Variants in BBS9 observed in about 807,000 individuals in gnomAD.
BBS9 encodes the protein protein PTHB1.
Under a neutral mutation model 117.7 loss-of-function variants are expected in BBS9, and 89 were observed. That is an observed-to-expected ratio of 0.76 (90% CI 0.64 to 0.90). The LOEUF is 0.90. Among genes scored for constraint, BBS9 ranks in the 40% least tolerant of loss-of-function variants. The pLI is 0.00. For missense variants in BBS9, 982 were observed against 1,042.2 expected (o/e 0.94, Z 0.80); for synonymous variants, 379 against 370.9 (o/e 1.02, Z -0.25).
intron 5 of BBS9, among the ~76,000 whole-genome samples, chr7:33,247,384 C>T (rs1795508405): frequency 6.6e-6 from 1 of 152,088 alleles, no homozygotes; most frequent in Non-Finnish European, 1.5e-5. Context: ...AACTTGTCCT[C>T]AAGTTGTGGC....
intron 5 of BBS9, among the ~76,000 whole-genome samples, chr7:33,236,400 G>C (rs567411180): frequency 1.3e-5 from 2 of 150,764 alleles, no homozygotes; most frequent in African/African-American, 4.9e-5. Context: ...TGTGGATGTT[G>C]TTAAATTTTA....
At chr7:33,402,177 G>A (rs1258254623) in intron 19 of BBS9, among the ~76,000 whole-genome samples, 1 of 151,998 alleles carries the variant, frequency 6.6e-6, no homozygotes, top group Non-Finnish European at 1.5e-5. Flanking sequence ...GTTTGTATTT[G>A]TCTTATTCCA....
chr7:33,552,716 C>G lies in BBS9; in HGVS notation c.2521+18540C>G, dbSNP rs540327566. ...GCTTAAGCTCCAATCTCATCTCAAACTGTGCAGAAGACCTTACTTCTACTG... is the reference window on the plus strand; with the variant it reads ...GCTTAAGCTCCAATCTCATCTCAAAGTGTGCAGAAGACCTTACTTCTACTG... On this transcript the variant is annotated intron_variant, in intron 21 of 22. Coordinates refer to ENST00000242067, the MANE Select transcript of BBS9 (RefSeq NM_198428.3). Among the ~76,000 whole-genome samples the G allele has an allele frequency of 3.9e-5, 6 of 152,330 alleles. No homozygotes were observed. In the East Asian group the frequency reaches 1.2e-3, roughly 29 times the overall value.
rs560648745 is a variant in BBS9, at chr7:33,166,015, G to T, written c.328+10313G>T. ...TTGATGTTGGTGACCTACAGATGGGGTTTGGGTGTGGATGTCCTTTTTGTT... is the reference window on the plus strand; with the variant it reads ...TTGATGTTGGTGACCTACAGATGGGTTTTGGGTGTGGATGTCCTTTTTGTT... On this transcript the variant is annotated intron_variant, in intron 4 of 22. Transcript: ENST00000242067. Among the ~76,000 whole-genome samples the T allele has an allele frequency of 1.1e-3, 171 of 152,272 alleles. 2 individuals carry two copies. The South Asian group carries it at 0.013, about 11-fold the overall frequency.
chr7:33,307,263 G>C (rs544983375), intron 9 of BBS9, among the ~76,000 whole-genome samples: 1 of 152,134 alleles, frequency 6.6e-6, no homozygotes, highest in African/African-American at 2.4e-5. Context: ...TGAACCCAAA[G>C]GGACTTTTCA....
chr7:33,248,651 T>C (rs1161640209), intron 5 of BBS9, among the ~76,000 whole-genome samples: 2 of 152,210 alleles, frequency 1.3e-5, no homozygotes, highest in African/African-American at 4.8e-5. Flanking sequence ...TCTTTGTTCA[T>C]AGCAAACATG....
intron 19 of BBS9, among the ~76,000 whole-genome samples, chr7:33,492,195 T>A: frequency 1.0e-5 from 1 of 98,800 alleles, no homozygotes; most frequent in South Asian, 3.9e-4. Context: ...AAAGCAAGAT[T>A]CCACCTCGAA....
chr7:33,343,000 T>C (rs1185548222), intron 11 of BBS9, among the ~76,000 whole-genome samples: 1 of 152,190 alleles, frequency 6.6e-6, no homozygotes, highest in African/African-American at 2.4e-5. Flanking sequence ...AGATAAGCAT[T>C]GCTATCCCAT....
chr7:33,257,561 T>C (rs758982617), intron 6 of BBS9, 151 bp downstream of exon 6: 26 of 762,554 alleles, frequency 3.4e-5, no homozygotes, highest in Non-Finnish European at 5.2e-5. Flanking sequence ...ACTATATCAT[T>C]TACTATTGTA....
chr7:33,161,762 C>T (rs998571773), intron 4 of BBS9, among the ~76,000 whole-genome samples: 11 of 152,206 alleles, frequency 7.2e-5, no homozygotes, highest in Non-Finnish European at 1.5e-4. Context: ...TCCTATTTCT[C>T]CTCATCCTCT....
intron 4 of BBS9, among the ~76,000 whole-genome samples, chr7:33,162,360 C>T (rs118167494): frequency 7.2e-5 from 11 of 151,798 alleles, no homozygotes; most frequent in African/African-American, 2.2e-4. Flanking sequence ...TGGTTGTAGA[C>T]GTGTGGTGTT....
At chr7:33,230,987 G>C (rs1202500229) in intron 5 of BBS9, among the ~76,000 whole-genome samples, 1 of 152,088 alleles carries the variant, frequency 6.6e-6, no homozygotes, top group Non-Finnish European at 1.5e-5. Flanking sequence ...AGTTCTTTGA[G>C]AGATCTTCAT....
chr7:33,147,149 G>A (rs2128097504), intron 2 of BBS9, among the ~76,000 whole-genome samples: 1 of 152,082 alleles, frequency 6.6e-6, no homozygotes, highest in East Asian at 1.9e-4. Flanking sequence ...CTACATTCTA[G>A]CTTATTCTTA....
chr7:33,152,676 C>CTT (rs538470220), intron 2 of BBS9, 25 bp from the exon 3 acceptor site: 8 of 1,247,080 alleles, frequency 6.4e-6, no homozygotes, highest in South Asian at 4.3e-5. Context: ...CTCCCTCTAT[C>CTT]TTTTTTTTTT....
intron 1 of BBS9, among the ~76,000 whole-genome samples, chr7:33,138,755 T>C (rs1314607998): frequency 6.6e-6 from 1 of 150,574 alleles, no homozygotes; most frequent in Non-Finnish European, 1.5e-5. Flanking sequence ...GCTAATATTT[T>C]TTTTTTGGTG....
chr7:33,407,772 G>T (rs2128810404), intron 19 of BBS9, among the ~76,000 whole-genome samples: 1 of 152,312 alleles, frequency 6.6e-6, no homozygotes, highest in East Asian at 1.9e-4. Context: ...CGCCAATGCT[G>T]CTGTCTGACT....
intron 17 of BBS9, 124 bp from the exon 18 acceptor site, chr7:33,383,542 A>T (rs1825460354): frequency 9.4e-6 from 8 of 854,682 alleles, no homozygotes; most frequent in Non-Finnish European, 1.5e-5. Context: ...AAGCCAGTGT[A>T]ATCATATCTT....
rs1288250460 is a variant in BBS9 at position 33,142,211 on chromosome 7, G to A, written c.-11-4031G>A. 3.9e-5 allele frequency among the ~76,000 whole-genome samples: 6 copies of A among 152,236 alleles called. No individual in the cohort carries two copies. In the South Asian group the frequency reaches 6.2e-4, roughly 16 times the overall value. On this transcript the variant is annotated intron_variant, in intron 1 of 22. Coordinates refer to ENST00000242067, the MANE Select transcript of BBS9 (RefSeq NM_198428.3). ...GCTGGGATTACAGGTGTGAGCCACC[G>A]CGCCTGGCCTAAATTCTCAAGTTAT...
At chr7:33,588,764 G>A (rs1485806324) in intron 21 of BBS9, among the ~76,000 whole-genome samples, 1 of 152,116 alleles carries the variant, frequency 6.6e-6, no homozygotes, top group Non-Finnish European at 1.5e-5. Flanking sequence ...CTTGAAGAAG[G>A]TGAGGGAATT....
Sources: allele counts gnomAD v4.1 joint callset (sites outside exome capture counted in the v4.1 genomes callset), GRCh38; gene constraint gnomAD v4.1.1; transcripts MANE v1.5; gene names NCBI Gene and HGNC (gene_info 2026-07-23, HGNC 2026-07-21).